GDA: variants seen among roughly 807,000 people sequenced by gnomAD.
GDA encodes cytoplasmic PSD-95 interactor.
GDA carries 18 observed loss-of-function variants against 59.6 expected under a neutral mutation model. The observed-to-expected ratio is 0.30, with a 90% CI of 0.21 to 0.45. GDA has a LOEUF of 0.45. Ranked by LOEUF, GDA falls within the 20% of genes least tolerant of loss-of-function variation. The pLI, the probability that GDA is intolerant of heterozygous loss-of-function variation, is 1.00. For synonymous variants in GDA, 201 were observed against 201.1 expected (o/e 1.00, Z 0.00); for missense variants, 427 against 552.3 (o/e 0.77, Z 2.27).
In GDA at chr9:72,118,877, G is replaced by A. The variant is rs181794118; in HGVS notation, c.-100+4044G>A. The stretch of plus-strand genomic sequence containing the variant: ...GCTTACTTTCTGTCTGCTTTCCTAC[G>A]CCTCAGGATCATTTAGTACAGGGAC... On this transcript the variant is annotated intron_variant, in intron 1 of 13. Coordinates refer to the GDA transcript ENST00000545168. Among the ~76,000 whole-genome samples, 25 of 152,192 alleles carry A rather than the reference G, an allele frequency of 1.6e-4. 2 individuals are homozygous for A. The Middle Eastern group carries it at 0.017, about 104-fold the overall frequency.
At chr9:72,190,800 C>T in intron 1 of GDA, among the ~76,000 whole-genome samples, 1 of 111,324 alleles carries the variant, frequency 9.0e-6, no homozygotes, top group Non-Finnish European at 1.8e-5. Context: ...TTACAGTGGC[C>T]CGGGAATATA....
chr9:72,195,127 T>G (rs1161527595), intron 1 of GDA, among the ~76,000 whole-genome samples: 1 of 152,194 alleles, frequency 6.6e-6, no homozygotes, highest in African/African-American at 2.4e-5. Flanking sequence ...CTTATGAAGG[T>G]GCTTTTTAAT....
At chr9:72,133,308 A>AAAATAATAAT (rs767205305) in intron 1 of GDA, among the ~76,000 whole-genome samples, 1 of 101,558 alleles carries the variant, frequency 9.8e-6, no homozygotes, top group Non-Finnish European at 2.1e-5. Flanking sequence ...AAAAAAAAAA[A>AAAATAATAAT]AATAATAATA....
At chr9:72,114,701 G>C (rs1462229734) in exon 1 of GDA, 3 of 151,936 alleles carry the variant, frequency 2.0e-5, no homozygotes, top group Non-Finnish European at 4.4e-5. Flanking sequence ...CAAAATCCAG[G>C]CTTAGGGGTA....
chr9:72,115,606 G>A (rs991185662), intron 1 of GDA, among the ~76,000 whole-genome samples: 2 of 152,088 alleles, frequency 1.3e-5, no homozygotes. Context: ...TAATTCATTT[G>A]GTCTAAAGTA....
At chr9:72,177,382 C>T (rs1189718662) in intron 1 of GDA, among the ~76,000 whole-genome samples, 2 of 152,056 alleles carry the variant, frequency 1.3e-5, no homozygotes, top group Non-Finnish European at 2.9e-5. Context: ...AGGCGTGAGC[C>T]ACCGTGCCTG....
rs767243473 is a variant in GDA at position 72,238,402 on chromosome 9, GA to G, written c.989-2746del. 1.6e-4 allele frequency among the ~76,000 whole-genome samples: 25 copies of G among 152,162 alleles called. 1 individual carries two copies. The highest frequency in any genetic ancestry group is 1.5e-4 in the Non-Finnish European group (10 of 68,040). On this transcript the variant is annotated intron_variant, in intron 10 of 13. Coordinates refer to ENST00000358399, the MANE Select transcript of GDA (RefSeq NM_004293.5). ...TCTCCATTTTCTTTATCACTAAAGTGAAAACAACTTATTGTTAATATATGTC... is the reference window on the plus strand; with the variant it reads ...TCTCCATTTTCTTTATCACTAAAGTGAAACAACTTATTGTTAATATATGTC...
At chr9:72,204,063 C>T (rs1313240560) in intron 3 of GDA, among the ~76,000 whole-genome samples, 1 of 152,178 alleles carries the variant, frequency 6.6e-6, no homozygotes, top group Non-Finnish European at 1.5e-5. Context: ...GATCCACCCA[C>T]CTCGGCCTCC....
rs191345814 is a variant in GDA at position 72,184,606 on chromosome 9, T to G, written c.124-10894T>G. On this transcript the variant is annotated intron_variant, in intron 1 of 13. Coordinates refer to ENST00000358399, the MANE Select transcript of GDA (RefSeq NM_004293.5). ...GCAGTTTATTTATCCATTCTTCTAC[T>G]GAAGGACATCTTGGTTGCTTCCTAA... Among the ~76,000 whole-genome samples, 174 of 152,338 alleles carry G rather than the reference T, an allele frequency of 1.1e-3. No individual in the cohort carries two copies. The South Asian group carries it at 0.015, about 13-fold the overall frequency.
chr9:72,150,863 C>T (rs1827120195), intron 1 of GDA, among the ~76,000 whole-genome samples: 1 of 152,068 alleles, frequency 6.6e-6, no homozygotes, highest in South Asian at 2.1e-4. Flanking sequence ...AGGGAGATTC[C>T]GGTAAACCCT....
At chr9:72,241,072 T>G in intron 10 of GDA, 80 bp from the exon 11 acceptor site, 1 of 971,554 alleles carries the variant, frequency 1.0e-6, no homozygotes, top group Middle Eastern at 2.3e-4. Flanking sequence ...TGAATATCTG[T>G]CATAAAAACA....
chr9:72,234,127 G>A (rs916215003), intron 10 of GDA, among the ~76,000 whole-genome samples: 1 of 152,020 alleles, frequency 6.6e-6, no homozygotes, highest in Non-Finnish European at 1.5e-5. Flanking sequence ...GCAAAATGTG[G>A]GTAAATATAT....
chr9:72,157,030 C>CTTT (rs544126638), intron 1 of GDA, among the ~76,000 whole-genome samples: 16 of 104,072 alleles, frequency 1.5e-4, no homozygotes, highest in Non-Finnish European at 2.2e-4. Flanking sequence ...TCTAGACTTC[C>CTTT]TTTTTTTTTT....
At chr9:72,141,483 T>C (rs1024246616) in intron 1 of GDA, among the ~76,000 whole-genome samples, 1 of 152,194 alleles carries the variant, frequency 6.6e-6, no homozygotes, top group African/African-American at 2.4e-5. Context: ...ATCATTGTTA[T>C]GACAATTTAA....
At chr9:72,136,536 GAA>G (rs1031301638) in intron 1 of GDA, among the ~76,000 whole-genome samples, 1 of 152,142 alleles carries the variant, frequency 6.6e-6, no homozygotes, top group Non-Finnish European at 1.5e-5. Flanking sequence ...ATCTGATGGG[GAA>G]AAAGAGTCTT....
chr9:72,203,241 C>T (rs892376027), intron 3 of GDA, among the ~76,000 whole-genome samples: 4 of 152,116 alleles, frequency 2.6e-5, no homozygotes, highest in Admixed American at 6.5e-5. Flanking sequence ...ATGGTGGGAG[C>T]TCTATTTGTT....
At chr9:72,205,802 C>A (rs145792726) in intron 3 of GDA, among the ~76,000 whole-genome samples, 8 of 152,254 alleles carry the variant, frequency 5.3e-5, no homozygotes, top group African/African-American at 1.9e-4. Flanking sequence ...CATGCTCAGG[C>A]CAAATTTAGC....
At chr9:72,183,596 G>A in intron 1 of GDA, among the ~76,000 whole-genome samples, 1 of 152,166 alleles carries the variant, frequency 6.6e-6, no homozygotes, top group East Asian at 1.9e-4. Context: ...TAGGCAACTG[G>A]GGTTCAAATT....
chr9:72,213,664 G>A (rs1012633211), intron 4 of GDA, among the ~76,000 whole-genome samples: 31 of 151,872 alleles, frequency 2.0e-4, no homozygotes, highest in South Asian at 6.2e-4. Flanking sequence ...TTAGCCGGGC[G>A]CGGTGGCGGG....
Sources: gnomAD v4.1 joint callset for allele counts (sites outside exome capture counted in the v4.1 genomes callset) on GRCh38, gnomAD v4.1.1 for gene constraint, MANE v1.5 for transcripts, NCBI Gene and HGNC (gene_info 2026-07-23, HGNC 2026-07-21) for gene names.